Variants in FGF14 observed in about 807,000 individuals in gnomAD.
FGF14 encodes the protein fibroblast growth factor homologous factor 4.
Under a neutral mutation model 25.5 loss-of-function variants are expected in FGF14, and 5 were observed. That is an observed-to-expected ratio of 0.20 (90% CI 0.10 to 0.41). The LOEUF is 0.41. Among genes scored for constraint, FGF14 ranks in the 10% least tolerant of loss-of-function variants. The probability of loss-of-function intolerance (pLI) is 1.00; values close to 1 mark genes in which losing one functional copy is unlikely to be tolerated. For missense variants in FGF14, 222 were observed against 320.1 expected (o/e 0.69, Z 2.34); for synonymous variants, 138 against 118.3 (o/e 1.17, Z -1.08).
chr13:101,984,361 G>A (rs1041447335), intron 1 of FGF14, among the ~76,000 whole-genome samples: 6 of 151,830 alleles, frequency 4.0e-5, no homozygotes, highest in Admixed American at 2.6e-4. Flanking sequence ...TTGTAACCAC[G>A]AACATTAAAC....
At chr13:101,758,032 G>A (rs1382554874) in intron 3 of FGF14, among the ~76,000 whole-genome samples, 1 of 152,114 alleles carries the variant, frequency 6.6e-6, no homozygotes, top group African/African-American at 2.4e-5. Flanking sequence ...TAACATGACT[G>A]CTTATATTGT....
intron 3 of FGF14, among the ~76,000 whole-genome samples, chr13:101,844,146 C>T (rs1426941262): frequency 1.3e-4 from 19 of 151,946 alleles, no homozygotes; most frequent in Admixed American, 1.2e-3. Flanking sequence ...AGGACACAAA[C>T]TGAAGCCTCT....
At chr13:102,163,828 AC>A (rs2047883790) in intron 1 of FGF14, among the ~76,000 whole-genome samples, 2 of 149,720 alleles carry the variant, frequency 1.3e-5, no homozygotes. Context: ...AAATAATCAG[AC>A]TTGCCCCCCC....
intron 1 of FGF14, among the ~76,000 whole-genome samples, chr13:102,016,487 C>T (rs1430544714): frequency 6.6e-6 from 1 of 152,036 alleles, no homozygotes; most frequent in African/African-American, 2.4e-5. Flanking sequence ...AGAATTAATA[C>T]AAATACCTAG....
In FGF14 at chr13:102,116,452, G is replaced by A. The variant is rs895327044; in HGVS notation, c.209-241156C>T. ...AATAAATTATATTTTATAATCATAT[G>A]TATAACATATACAATAGAATGTTAT... On this transcript the variant is annotated intron_variant, in intron 1 of 4. Transcript: ENST00000376131. Among the ~76,000 whole-genome samples the A allele has an allele frequency of 5.6e-4, 85 of 152,136 alleles. 1 individual carries two copies. Among genetic ancestry groups the A allele is most frequent in the African/African-American group, 2.0e-3 (83 of 41,510 alleles).
At chr13:101,941,993 AG>A (rs1371960644) in intron 1 of FGF14, among the ~76,000 whole-genome samples, 1 of 152,222 alleles carries the variant, frequency 6.6e-6, no homozygotes, top group Non-Finnish European at 1.5e-5. Flanking sequence ...CTATCTTAAT[AG>A]GAATTGTTAC....
intron 1 of FGF14, among the ~76,000 whole-genome samples, chr13:102,222,661 G>A (rs542883126): frequency 5.8e-4 from 88 of 152,264 alleles, no homozygotes; most frequent in African/African-American, 2.0e-3. Flanking sequence ...TACTTCTAGA[G>A]GATACTCTTT....
At chr13:101,838,310 C>T (rs774744082) in intron 3 of FGF14, among the ~76,000 whole-genome samples, 8 of 152,034 alleles carry the variant, frequency 5.3e-5, no homozygotes, top group Non-Finnish European at 7.4e-5. Context: ...CCCTCGGTTT[C>T]GTTCTGTGAT....
At chr13:101,781,276 G>A (rs1257209702) in intron 3 of FGF14, among the ~76,000 whole-genome samples, 1 of 152,124 alleles carries the variant, frequency 6.6e-6, no homozygotes, top group Non-Finnish European at 1.5e-5. Context: ...ATCACTGCCT[G>A]AATTTCTATG....
chr13:101,801,086 C>G (rs976387178), intron 3 of FGF14, among the ~76,000 whole-genome samples: 1 of 152,158 alleles, frequency 6.6e-6, no homozygotes, highest in Non-Finnish European at 1.5e-5. Context: ...TCAAAGAGCA[C>G]AAACTTGAAA....
intron 4 of FGF14, among the ~76,000 whole-genome samples, chr13:101,726,202 CT>C (rs1483279652): frequency 1.3e-5 from 2 of 151,978 alleles, no homozygotes; most frequent in Non-Finnish European, 2.9e-5. Context: ...ATGGAAAATA[CT>C]TTTGATTCCA....
intron 1 of FGF14, among the ~76,000 whole-genome samples, chr13:102,026,946 T>C (rs776980643): frequency 1.4e-4 from 21 of 152,032 alleles, no homozygotes; most frequent in Non-Finnish European, 2.9e-4. Context: ...ATTCTGTTAA[T>C]AGGTTGACAA....
At position 101,720,036 on chromosome 13, in the gene FGF14, G is replaced by A. The variant is rs762955237; in HGVS notation, c.*2795C>T. On this transcript the variant is annotated 3_prime_UTR_variant, in exon 5 of 5. Coordinates refer to ENST00000376143, the MANE Select transcript of FGF14 (RefSeq NM_004115.4). Reference sequence around the variant, plus strand: ...CAATGCCATTTTGTTACATAAAGTTGTTTGATGTTTTTTAATATGCCTTCA... The same window carrying A: ...CAATGCCATTTTGTTACATAAAGTTATTTGATGTTTTTTAATATGCCTTCA... 6.6e-6 allele frequency: 1 copy of A among 152,034 alleles called. No homozygotes were observed. Among genetic ancestry groups the A allele is most frequent in the Admixed American group, 6.6e-5 (1 of 15,234 alleles). 9.4% of individuals were successfully genotyped at this position (152,034 alleles called of 1,614,324 possible). A position where few individuals can be genotyped will look rare whatever the true frequency, so the allele number is the denominator to read the frequency against.
intron 1 of FGF14, among the ~76,000 whole-genome samples, chr13:101,894,031 T>G (rs1048378136): frequency 3.3e-5 from 5 of 152,000 alleles, no homozygotes; most frequent in Non-Finnish European, 5.9e-5. Flanking sequence ...GGCTTTTTTT[T>G]TTTTCACACT....
chr13:102,350,589 T>C (rs1464832245), intron 1 of FGF14, among the ~76,000 whole-genome samples: 1 of 152,154 alleles, frequency 6.6e-6, no homozygotes, highest in African/African-American at 2.4e-5. Context: ...CACAACTTTT[T>C]AGGATAAATA....
intron 1 of FGF14, among the ~76,000 whole-genome samples, chr13:101,941,551 A>T (rs2035452376): frequency 3.3e-5 from 5 of 152,164 alleles, no homozygotes; most frequent in Admixed American, 3.3e-4. Flanking sequence ...GACTCCTGAG[A>T]GTTCCATTTC....
intron 1 of FGF14, among the ~76,000 whole-genome samples, chr13:102,346,549 T>C (rs779552458): frequency 6.6e-5 from 10 of 152,058 alleles, no homozygotes; most frequent in Admixed American, 1.3e-4. Context: ...TATGGCAGCG[T>C]ACAGAGCCAT....
At chr13:102,369,982 T>C (rs1164190023) in intron 1 of FGF14, among the ~76,000 whole-genome samples, 1 of 151,858 alleles carries the variant, frequency 6.6e-6, no homozygotes, top group African/African-American at 2.4e-5. Context: ...TCTTTAACTA[T>C]CAAATAGAAT....
At position 102,104,026 on chromosome 13, in the gene FGF14, G is replaced by T. The variant is rs997516986; in HGVS notation, c.209-228730C>A. On this transcript the variant is annotated intron_variant, in intron 1 of 4. Coordinates refer to the FGF14 transcript ENST00000376131. ...CTGCAATGCCCCTTCCCTCACTTAC[G>T]CACTCCCTAAAAAAGGATATCGAGC... is the stretch of plus-strand genomic sequence containing the variant. Among the ~76,000 whole-genome samples, 3 of 151,928 alleles carry T rather than the reference G, an allele frequency of 2.0e-5. No individual in the cohort carries two copies. In the East Asian group the frequency reaches 5.8e-4, roughly 29 times the overall value.
Sources: allele counts gnomAD v4.1 joint callset (sites outside exome capture counted in the v4.1 genomes callset), GRCh38; gene constraint gnomAD v4.1.1; transcripts MANE v1.5; gene names NCBI Gene and HGNC (gene_info 2026-07-23, HGNC 2026-07-21).